The following GANC variants were observed in gnomAD, a reference collection of about 807,000 sequenced individuals.
The protein encoded by GANC is neutral alpha-glucosidase C.
GANC carries 117 observed loss-of-function variants against 124.2 expected under a neutral mutation model. The observed-to-expected ratio is 0.94, with a 90% confidence interval of 0.81 to 1.10. The LOEUF is 1.10. Among genes scored for constraint, GANC ranks in the 50% least tolerant of loss-of-function variants. GANC has a pLI of 0.00. For missense variants in GANC, 1,140 were observed against 1,095.0 expected (o/e 1.04, Z -0.58); for synonymous variants, 377 against 376.8 (o/e 1.00, Z -0.01).
intron 11 of GANC, among the ~76,000 whole-genome samples, chr15:42,322,786 A>G (rs749910999): frequency 2.0e-5 from 3 of 152,210 alleles, no homozygotes; most frequent in Non-Finnish European, 4.4e-5. Context: ...TGGAACATGT[A>G]TAATGCTGCT....
intron 10 of GANC, chr15:42,314,276 G>C: frequency 1.5e-6 from 1 of 645,606 alleles, no homozygotes; most frequent in Non-Finnish European, 2.8e-6. Flanking sequence ...GATGAGGAAA[G>C]GGGGCATTTT....
chr15:42,329,170 A>G (rs1464757483), intron 13 of GANC, 136 bp from the exon 14 acceptor site: 8 of 840,650 alleles, frequency 9.5e-6, no homozygotes, highest in Non-Finnish European at 1.3e-5. Context: ...TTCCCTGTGG[A>G]ACTTATACTC....
At chr15:42,323,291 G>T (rs1186120365) in intron 11 of GANC, among the ~76,000 whole-genome samples, 1 of 152,146 alleles carries the variant, frequency 6.6e-6, no homozygotes, top group Non-Finnish European at 1.5e-5. Flanking sequence ...CCTTCAAGAT[G>T]CTATGGTAGT....
chr15:42,303,812 A>G (rs1266436589), intron 6 of GANC, among the ~76,000 whole-genome samples: 1 of 152,212 alleles, frequency 6.6e-6, no homozygotes, highest in Non-Finnish European at 1.5e-5. Flanking sequence ...TAACTATCCT[A>G]AATATATATG....
At chr15:42,293,881 CTACAAAAAAA>C (rs1239676158) in intron 5 of GANC, among the ~76,000 whole-genome samples, 1 of 150,406 alleles carries the variant, frequency 6.6e-6, no homozygotes, top group Non-Finnish European at 1.5e-5. Context: ...AAACCCTGTC[CTACAAAAAAA>C]TACAAAAAAA....
chr15:42,340,163 A>G (rs1205280407), intron 17 of GANC, among the ~76,000 whole-genome samples: 2 of 152,246 alleles, frequency 1.3e-5, no homozygotes, highest in African/African-American at 4.8e-5. Flanking sequence ...GAATAGAGAT[A>G]TTTCAAAGAA....
At position 42,292,829 on chromosome 15, in the gene GANC, G is replaced by A; in HGVS notation, c.424G>A (p.Asp142Asn). Residue 142 changes from aspartate (D) to asparagine (N), a missense_variant, in exon 5 of 24, where the codon GAC becomes AAC. Transcript: ENST00000318010. ...TATCACAGCAAACCCATTCAAGGTA[G>A]ACTTGGTGTCTGAAGAAGAGGTTGT... Reference protein sequence around the residue: ...CHITANPFKVDLVSEEEVVIS... With the variant: ...CHITANPFKVNLVSEEEVVIS... 6.2e-7 allele frequency: 1 copy of A among 1,614,138 alleles called. No homozygotes were observed. The highest frequency in any genetic ancestry group is 8.5e-7 in the Non-Finnish European group (1 of 1,179,984).
At chr15:42,278,235 C>T (rs8024390) in intron 2 of GANC, 254,729 of 268,974 alleles carry the variant, frequency 0.95, 121,818 homozygotes, top group Non-Finnish European at 1. Flanking sequence ...TCAAGAAAGA[C>T]AAGATGTCAT....
chr15:42,273,393 C>A lies in GANC; in HGVS notation c.-1089C>A. The A allele has an allele frequency of 6.2e-7, 1 of 1,614,056 alleles. No individual in the cohort carries two copies. Among genetic ancestry groups the A allele is most frequent in the Non-Finnish European group, 8.5e-7 (1 of 1,180,028 alleles). On this transcript the variant is annotated 5_prime_UTR_variant, in exon 1 of 24. Transcript: ENST00000318010. ...GCAACACCTGAAGCCACGCAGCCGC[C>A]GCCATCTTCACAGCCGTGGAGTGCC...
At chr15:42,342,601 AAAAG>A (rs950483155) in intron 18 of GANC, among the ~76,000 whole-genome samples, 13 of 151,782 alleles carry the variant, frequency 8.6e-5, no homozygotes, top group African/African-American at 2.9e-4. Flanking sequence ...AGGAAAAAAA[AAAAG>A]AAAAAGAAAA....
chr15:42,342,773 A>G (rs1162586996), intron 18 of GANC, among the ~76,000 whole-genome samples: 1 of 152,198 alleles, frequency 6.6e-6, no homozygotes, highest in East Asian at 1.9e-4. Context: ...GACTACTGAC[A>G]CATTAGCAGT....
intron 12 of GANC, among the ~76,000 whole-genome samples, chr15:42,326,724 C>T (rs558882208): frequency 2.0e-5 from 3 of 152,218 alleles, no homozygotes; most frequent in South Asian, 4.1e-4. Context: ...ATAAGAAAAG[C>T]AGAGGAGGAG....
At chr15:42,311,072 C>G (rs1444720715) in intron 10 of GANC, among the ~76,000 whole-genome samples, 3 of 152,242 alleles carry the variant, frequency 2.0e-5, no homozygotes, top group Non-Finnish European at 4.4e-5. Context: ...TTGCCATCTG[C>G]TTTCCTTGAA....
In GANC at chr15:42,287,677, G is replaced by A. The variant is rs1254735882; in HGVS notation, c.202-14G>A. The A allele has an allele frequency of 4.4e-6, 7 of 1,607,796 alleles. No homozygotes were observed. The highest frequency in any genetic ancestry group is 5.1e-6 in the Non-Finnish European group (6 of 1,177,756). ...GGTAACCTGTTGAAGGTAATCTCTT[G>A]TATCTGTTTCCAGGTTCCTCTCCTG... On this transcript the variant is annotated splice_polypyrimidine_tract_variant and intron_variant, in intron 3 of 23. Transcript: ENST00000318010.
At chr15:42,334,904 A>G (rs1040122839) in intron 15 of GANC, among the ~76,000 whole-genome samples, 14 of 152,182 alleles carry the variant, frequency 9.2e-5, no homozygotes, top group Non-Finnish European at 1.9e-4. Flanking sequence ...ATACCCTCCT[A>G]AGACTGAACC....
chr15:42,353,530 A>G lies in GANC; in HGVS notation c.*1391A>G, dbSNP rs1451686114. 3.1e-6 allele frequency: 3 copies of G among 975,016 alleles called. No homozygotes were observed. The highest frequency in any genetic ancestry group is 2.4e-6 in the Non-Finnish European group (2 of 820,626). 60.4% of individuals were successfully genotyped at this position (975,016 alleles called of 1,614,324 possible). ...TTCAGTATGTCTGCGTTCTCCTACT[A>G]GATTGTATGTCCCTCAAGAGCATGT... On this transcript the variant is annotated 3_prime_UTR_variant, in exon 24 of 24. Coordinates refer to ENST00000318010, the MANE Select transcript of GANC (RefSeq NM_198141.3).
chr15:42,311,869 GT>G (rs1566955253), intron 10 of GANC, among the ~76,000 whole-genome samples: 2 of 151,710 alleles, frequency 1.3e-5, no homozygotes, highest in South Asian at 2.1e-4. Context: ...AATTAGTTCT[GT>G]TTCTATATAC....
At chr15:42,295,451 A>G (rs1304841967) in intron 5 of GANC, among the ~76,000 whole-genome samples, 1 of 152,176 alleles carries the variant, frequency 6.6e-6, no homozygotes. Flanking sequence ...TCAATTGCAG[A>G]TGAATAAAAA....
chr15:42,350,694 A>C (rs2052424103), intron 22 of GANC, among the ~76,000 whole-genome samples: 1 of 151,232 alleles, frequency 6.6e-6, no homozygotes, highest in South Asian at 2.1e-4. Flanking sequence ...CTGGGATTAC[A>C]GATGCCCACC....
Sources: allele counts gnomAD v4.1 joint callset (sites outside exome capture counted in the v4.1 genomes callset), GRCh38; gene constraint gnomAD v4.1.1; transcripts MANE v1.5; gene names NCBI Gene and HGNC (gene_info 2026-07-23, HGNC 2026-07-21).